The following MTMR10 variants were observed in gnomAD, a reference collection of about 807,000 sequenced individuals.
MTMR10 encodes myotubularin related protein 10.
Under a neutral mutation model 88.1 loss-of-function variants are expected in MTMR10, and 56 were observed. The observed-to-expected ratio is 0.64, with a 90% CI of 0.51 to 0.79. MTMR10 has a LOEUF of 0.79. Ranked by LOEUF, MTMR10 falls within the 30% of genes least tolerant of loss-of-function variation. The pLI, the probability that MTMR10 is intolerant of heterozygous loss-of-function variation, is 0.00. For missense variants in MTMR10, 883 were observed against 924.7 expected (o/e 0.95, Z 0.58); for synonymous variants, 380 against 340.9 (o/e 1.11, Z -1.26).
chr15:30,947,705 A>G (rs924957678), intron 13 of MTMR10, among the ~76,000 whole-genome samples: 24 of 152,178 alleles, frequency 1.6e-4, no homozygotes, highest in African/African-American at 5.5e-4. Context: ...ACATCCCCAT[A>G]TTTCAGAAAA....
In MTMR10 at chr15:30,941,013, G is replaced by A; in HGVS notation, c.*457C>T. ...AACCTTCATCAGGTGAGTTCAATTAGAGACGACAGAAAGTAACCAGAAAAA... is the reference window on the plus strand; with the variant it reads ...AACCTTCATCAGGTGAGTTCAATTAAAGACGACAGAAAGTAACCAGAAAAA... On this transcript the variant is annotated 3_prime_UTR_variant, in exon 16 of 16. Coordinates refer to ENST00000435680, the MANE Select transcript of MTMR10 (RefSeq NM_017762.3). 1 of 1,170,032 alleles carries A rather than the reference G, an allele frequency of 8.5e-7. No individual in the cohort carries two copies. The highest frequency in any genetic ancestry group is 1.1e-6 in the Non-Finnish European group (1 of 934,202). 72.5% of individuals were successfully genotyped at this position (1,170,032 alleles called of 1,614,324 possible).
At chr15:30,952,236 G>A (rs1387849479) in intron 11 of MTMR10, among the ~76,000 whole-genome samples, 198 bp from the exon 12 acceptor site, 1 of 152,242 alleles carries the variant, frequency 6.6e-6, no homozygotes, top group Non-Finnish European at 1.5e-5. Flanking sequence ...ACTGGCAGCT[G>A]TGGCTCCCTG....
rs2063002927 is a variant in MTMR10, at chr15:30,940,416, T to G, written c.*1054A>C. 2.0e-6 allele frequency: 2 copies of G among 985,302 alleles called. No individual in the cohort carries two copies. The highest frequency in any genetic ancestry group is 9.4e-5 in the South Asian group (2 of 21,288). The allele number at this position is 985,302 out of a possible 1,614,324, so 61.0% of individuals were successfully genotyped here. On this transcript the variant is annotated 3_prime_UTR_variant, in exon 16 of 16. Transcript: ENST00000435680. The stretch of plus-strand genomic sequence containing the variant: ...TGTTTTGAGAGAATCCATTTTTTTA[T>G]TTCTCCTCTATTCCTAAGCATTAGG...
At chr15:30,928,503 A>ATT in the MTMR10 span, 7 of 1,158,118 alleles carry the variant, frequency 6.0e-6, no homozygotes, top group Non-Finnish European at 7.9e-6. Flanking sequence ...GATAAAACAG[A>ATT]TTTTGTGTGT....
chr15:30,927,516 G>A, the MTMR10 span: 1 of 985,670 alleles, frequency 1.0e-6, no homozygotes, highest in African/African-American at 1.7e-5. Flanking sequence ...AGGTGACCCA[G>A]GCAGGCATGA....
chr15:30,920,678 C>CA, the MTMR10 span: 1 of 1,351,430 alleles, frequency 7.4e-7, no homozygotes, highest in Non-Finnish European at 1.0e-6. Flanking sequence ...CCCTGCCCCC[C>CA]ACCATTACTG....
At chr15:30,978,916 C>T (rs1017722318) in intron 2 of MTMR10, among the ~76,000 whole-genome samples, 45 of 147,210 alleles carry the variant, frequency 3.1e-4, no homozygotes, top group African/African-American at 1.0e-3. Context: ...TATATATAGA[C>T]GCACTGAGTA....
intron 2 of MTMR10, among the ~76,000 whole-genome samples, chr15:30,989,166 G>C (rs1212880130): frequency 6.6e-6 from 1 of 152,058 alleles, no homozygotes; most frequent in African/African-American, 2.4e-5. Flanking sequence ...ATAGCTCATA[G>C]GCACTCATTC....
intron 1 of MTMR10, 54 bp from the exon 2 acceptor site, chr15:30,990,891 A>T: frequency 7.0e-7 from 1 of 1,432,578 alleles, no homozygotes; most frequent in Non-Finnish European, 9.6e-7. Flanking sequence ...CCCTCCGTAA[A>T]ATGCTACAGC....
chr15:30,936,896 G>A (rs1199635976), downstream of MTMR10, among the ~76,000 whole-genome samples: 1 of 152,102 alleles, frequency 6.6e-6, no homozygotes, highest in East Asian at 1.9e-4. Context: ...TCAGAGTATG[G>A]TTTCTGTTGA....
rs370263206 is a variant in MTMR10 at position 30,942,597 on chromosome 15, C to T, written c.1731+293G>A. On this transcript the variant is annotated intron_variant, in intron 15 of 15. Transcript: ENST00000435680. The stretch of plus-strand genomic sequence containing the variant: ...CATCACAGCCAGGCGGCATTCCCTG[C>T]CACAGTGGCGGCTTGAATCATCAAG... 17 of 385,342 alleles carry T rather than the reference C, an allele frequency of 4.4e-5. No individual in the cohort carries two copies. In the South Asian group the frequency reaches 6.7e-4, roughly 15 times the overall value. The allele number at this position is 385,342 out of a possible 1,614,324, so 23.9% of individuals were successfully genotyped here.
chr15:30,927,881 C>T, the MTMR10 span: 1 of 985,734 alleles, frequency 1.0e-6, no homozygotes, highest in Non-Finnish European at 1.2e-6. Flanking sequence ...ACTCTGTGAC[C>T]TCAGCACCTG....
At chr15:30,927,095 T>G in the MTMR10 span, 1 of 944,224 alleles carries the variant, frequency 1.1e-6, no homozygotes, top group Non-Finnish European at 1.3e-6. Context: ...GAGGATCACT[T>G]GAACTCTGAA....
chr15:30,944,021 C>CAA (rs375776610), intron 14 of MTMR10: 10 of 971,978 alleles, frequency 1.0e-5, no homozygotes, highest in South Asian at 4.7e-5. Context: ...AATTTTCTAC[C>CAA]AAAAAAAAAC....
the MTMR10 span, among the ~76,000 whole-genome samples, chr15:30,926,348 C>T: frequency 2.6e-5 from 4 of 152,296 alleles, no homozygotes; most frequent in Non-Finnish European, 4.4e-5. Flanking sequence ...CCATGCTAGT[C>T]GCTTTCGGGA....
At chr15:30,965,510 C>T (rs2063462427) in intron 6 of MTMR10, among the ~76,000 whole-genome samples, 1 of 152,156 alleles carries the variant, frequency 6.6e-6, no homozygotes, top group South Asian at 2.1e-4. Context: ...TGAATCTGTA[C>T]TTTTTTGACG....
the MTMR10 span, among the ~76,000 whole-genome samples, chr15:30,929,601 CAT>C: frequency 0.018 from 2,230 of 122,760 alleles, 141 homozygotes; most frequent in African/African-American, 0.07. Context: ...TTATATATTA[CAT>C]ATTACATATA....
intron 2 of MTMR10, among the ~76,000 whole-genome samples, chr15:30,988,086 C>A (rs1250501857): frequency 6.6e-6 from 1 of 152,192 alleles, no homozygotes; most frequent in South Asian, 2.1e-4. Context: ...AGTTCGGTAA[C>A]TTTCCACTTG....
At chr15:30,927,293 C>CT in the MTMR10 span, 6 of 985,508 alleles carry the variant, frequency 6.1e-6, no homozygotes, top group Non-Finnish European at 7.2e-6. Context: ...GGACGGAACA[C>CT]TGACTGGAAA....
Sources: allele counts gnomAD v4.1 joint callset (sites outside exome capture counted in the v4.1 genomes callset), GRCh38; gene constraint gnomAD v4.1.1; transcripts MANE v1.5; gene names NCBI Gene and HGNC (gene_info 2026-07-23, HGNC 2026-07-21).